NAV3: variants seen among roughly 807,000 people sequenced by gnomAD.
NAV3 encodes neuron navigator 3.
A neutral mutation model predicts 244.7 loss-of-function variants in NAV3; 87 were observed. The observed-to-expected ratio is 0.36, with a 90% CI of 0.30 to 0.42. NAV3 has a LOEUF of 0.42. Among genes scored for constraint, NAV3 ranks in the 20% least tolerant of loss-of-function variants. NAV3 has a pLI of 1.00. For synonymous variants in NAV3, 1,126 were observed against 1,042.2 expected, an observed-to-expected ratio of 1.08 and a Z score of -1.55; for missense variants, 2,663 against 2,893.3, an observed-to-expected ratio of 0.92 and a Z score of 1.83.
intron 2 of NAV3, among the ~76,000 whole-genome samples, chr12:77,638,304 C>T (rs1381416130): frequency 1.3e-5 from 2 of 152,174 alleles, no homozygotes; most frequent in African/African-American, 4.8e-5. Context: ...ATTGGGATTT[C>T]TCTTCATAGA....
intron 3 of NAV3, among the ~76,000 whole-genome samples, chr12:77,960,294 G>T (rs988532252): frequency 1.3e-5 from 2 of 152,044 alleles, no homozygotes; most frequent in South Asian, 4.1e-4. Context: ...CTTCAAGCAT[G>T]AAAACACTAT....
At position 77,753,591 on chromosome 12, in the gene NAV3, A is replaced by G. The variant is rs117095221; in HGVS notation, c.72+181325A>G. On this transcript the variant is annotated intron_variant, in intron 2 of 8. Transcript: ENST00000550042. ...TTTTTACTAGTTAGGTCATATTGAG[A>G]ATGATGATAGCATTAAAAATGAGGT... Among the ~76,000 whole-genome samples the G allele has an allele frequency of 8.7e-3, 1,332 of 152,238 alleles. 21 individuals are homozygous for G. Among genetic ancestry groups the G allele is most frequent in the Non-Finnish European group, 0.014 (957 of 68,014 alleles).
At chr12:77,814,112 T>C (rs987937337) in intron 2 of NAV3, among the ~76,000 whole-genome samples, 1 of 152,042 alleles carries the variant, frequency 6.6e-6, no homozygotes. Context: ...CTCTAAGTGA[T>C]CCTGAGATTC....
rs117741625 is a variant in NAV3 at position 77,643,274 on chromosome 12, A to G, written c.72+71008A>G. On this transcript the variant is annotated intron_variant, in intron 2 of 8. Coordinates refer to the NAV3 transcript ENST00000550042. ...AATTCATATAGAAAACCTAAGAAGCAAGCAGTGTTTAACTCTTAGTCACAT... is the reference window on the plus strand; with the variant it reads ...AATTCATATAGAAAACCTAAGAAGCGAGCAGTGTTTAACTCTTAGTCACAT... Among the ~76,000 whole-genome samples the G allele has an allele frequency of 9.6e-3, 1,460 of 152,086 alleles. 18 individuals carry two copies. The highest frequency in any genetic ancestry group is 0.016 in the Non-Finnish European group (1,081 of 67,906).
chr12:77,942,785 T>G (rs897778378), intron 3 of NAV3, among the ~76,000 whole-genome samples: 3 of 152,218 alleles, frequency 2.0e-5, no homozygotes, highest in Non-Finnish European at 4.4e-5. Context: ...TAAAATGCAA[T>G]GCAGAATAGT....
intron 1 of NAV3, among the ~76,000 whole-genome samples, chr12:77,849,476 A>G (rs1181574179): frequency 2.0e-5 from 3 of 152,162 alleles, no homozygotes; most frequent in Non-Finnish European, 4.4e-5. Flanking sequence ...GACACCACAC[A>G]TGGAAAATTC....
intron 2 of NAV3, among the ~76,000 whole-genome samples, chr12:77,626,385 A>G (rs539915581): frequency 2.0e-5 from 3 of 152,162 alleles, no homozygotes; most frequent in African/African-American, 7.2e-5. Flanking sequence ...TAGAAAACCT[A>G]TTTACAAAAT....
chr12:77,896,530 C>A (rs760291533), intron 1 of NAV3, among the ~76,000 whole-genome samples: 11 of 151,990 alleles, frequency 7.2e-5, no homozygotes, highest in Non-Finnish European at 1.6e-4. Flanking sequence ...AGAATATGAT[C>A]CAACTTGGTC....
intron 4 of NAV3, among the ~76,000 whole-genome samples, chr12:77,968,314 T>C (rs1336765165): frequency 6.6e-6 from 1 of 152,206 alleles, no homozygotes; most frequent in Non-Finnish European, 1.5e-5. Context: ...CCTCTATCCT[T>C]TTATTCTCTC....
At chr12:78,136,375 A>G (rs892633325) in intron 18 of NAV3, among the ~76,000 whole-genome samples, 3 of 152,232 alleles carry the variant, frequency 2.0e-5, no homozygotes, top group Non-Finnish European at 2.9e-5. Context: ...ATGTAGTTGT[A>G]CATACAATCA....
intron 12 of NAV3, among the ~76,000 whole-genome samples, chr12:78,079,476 T>C (rs1953237253): frequency 6.6e-6 from 1 of 152,364 alleles, no homozygotes. Flanking sequence ...TGATATTTTT[T>C]ATTTGGTATT....
intron 1 of NAV3, among the ~76,000 whole-genome samples, chr12:77,855,177 C>T (rs543622029): frequency 1.3e-5 from 2 of 152,082 alleles, no homozygotes; most frequent in South Asian, 2.1e-4. Context: ...TTGCATGTGT[C>T]CTAAAGAATT....
At chr12:77,762,763 G>A (rs1049349717) in intron 2 of NAV3, among the ~76,000 whole-genome samples, 3 of 151,380 alleles carry the variant, frequency 2.0e-5, no homozygotes, top group African/African-American at 7.3e-5. Flanking sequence ...GTTGTTAAAT[G>A]TGTAGTTTCT....
intron 7 of NAV3, among the ~76,000 whole-genome samples, chr12:78,004,301 G>T (rs1176190692): frequency 6.6e-6 from 1 of 152,106 alleles, no homozygotes; most frequent in Non-Finnish European, 1.5e-5. Context: ...AATATTATTT[G>T]GTTATGGTGG....
At chr12:77,671,791 A>G (rs952455625) in intron 2 of NAV3, among the ~76,000 whole-genome samples, 1 of 152,294 alleles carries the variant, frequency 6.6e-6, no homozygotes, top group East Asian at 1.9e-4. Flanking sequence ...CTAAGGCATG[A>G]AATCATAAAA....
intron 1 of NAV3, among the ~76,000 whole-genome samples, chr12:77,876,841 T>C (rs1440857988): frequency 6.6e-6 from 1 of 152,120 alleles, no homozygotes; most frequent in Non-Finnish European, 1.5e-5. Flanking sequence ...AATTTTTTTC[T>C]GCTTTTTATG....
intron 24 of NAV3, among the ~76,000 whole-genome samples, chr12:78,173,828 A>T (rs1196020207): frequency 6.6e-6 from 1 of 151,566 alleles, no homozygotes; most frequent in African/African-American, 2.4e-5. Context: ...ACTTATTGAT[A>T]TATATGTATA....
At chr12:78,184,464 T>G (rs1475202309) in intron 30 of NAV3, among the ~76,000 whole-genome samples, 1 of 151,834 alleles carries the variant, frequency 6.6e-6, no homozygotes, top group Admixed American at 6.6e-5. Context: ...GGGAAAATAA[T>G]TAAACTCCAG....
At chr12:77,987,328 T>A (rs549145445) in intron 5 of NAV3, among the ~76,000 whole-genome samples, 2 of 152,176 alleles carry the variant, frequency 1.3e-5, no homozygotes, top group Non-Finnish European at 2.9e-5. Context: ...GCACTTTAAT[T>A]TACAAAATGT....
Sources: gnomAD v4.1 joint callset for allele counts (sites outside exome capture counted in the v4.1 genomes callset) on GRCh38, gnomAD v4.1.1 for gene constraint, MANE v1.5 for transcripts, NCBI Gene and HGNC (gene_info 2026-07-23, HGNC 2026-07-21) for gene names.